Variants in RNF6 observed in about 807,000 individuals in gnomAD.
RNF6 encodes the protein E3 ubiquitin-protein ligase RNF6.
A neutral mutation model predicts 50.1 loss-of-function variants in RNF6; 21 were observed. That is an observed-to-expected ratio of 0.42 (90% CI 0.30 to 0.60). RNF6 has a LOEUF of 0.60. RNF6 is among the 20% of genes least tolerant of loss of function. RNF6 has a pLI of 0.20. For missense variants in RNF6, 698 were observed against 838.2 expected, an observed-to-expected ratio of 0.83 and a Z score of 2.07; for synonymous variants, 255 against 291.8, an observed-to-expected ratio of 0.87 and a Z score of 1.29.
intron 5 of RNF6, among the ~76,000 whole-genome samples, chr13:26,132,856 A>C (rs1204644143): frequency 1.3e-5 from 2 of 152,198 alleles, no homozygotes; most frequent in Non-Finnish European, 2.9e-5. Flanking sequence ...CAGATTCACC[A>C]AAAGGTCTTG....
chr13:26,209,394 C>T (rs1164859646), downstream of RNF6, among the ~76,000 whole-genome samples: 7 of 152,224 alleles, frequency 4.6e-5, no homozygotes, highest in Non-Finnish European at 7.3e-5. Context: ...GCTTGCTCAG[C>T]GAGATATGCT....
intron 5 of RNF6, among the ~76,000 whole-genome samples, chr13:26,137,597 A>C (rs560907618): frequency 6.6e-6 from 1 of 151,608 alleles, no homozygotes; most frequent in African/African-American, 2.4e-5. Context: ...TGAAAGAAAT[A>C]ATATATAAGA....
At chr13:26,170,451 T>G (rs1872645720) in intron 5 of RNF6, among the ~76,000 whole-genome samples, 1 of 151,470 alleles carries the variant, frequency 6.6e-6, no homozygotes, top group Non-Finnish European at 1.5e-5. Flanking sequence ...ATTTCCGTTT[T>G]GTGCAGCTAT....
chr13:26,197,355 C>T (rs373890703), intron 5 of RNF6, among the ~76,000 whole-genome samples: 1 of 152,078 alleles, frequency 6.6e-6, no homozygotes, highest in African/African-American at 2.4e-5. Flanking sequence ...CATGTATCTC[C>T]TACAACTCAG....
intron 5 of RNF6, among the ~76,000 whole-genome samples, chr13:26,159,053 T>C (rs1278267103): frequency 6.6e-6 from 1 of 152,122 alleles, no homozygotes; most frequent in Non-Finnish European, 1.5e-5. Flanking sequence ...CTAATAGAAG[T>C]ATAAATATAC....
chr13:26,213,008 C>T lies in RNF6; in HGVS notation c.*816G>A, dbSNP rs186584983. Reference sequence around the variant, plus strand: ...ATTTAATAATCCAAAGAATTGTTTGCACTTTCAAAAAAGTTACAAAAAGGC... The same window carrying T: ...ATTTAATAATCCAAAGAATTGTTTGTACTTTCAAAAAAGTTACAAAAAGGC... On this transcript the variant is annotated 3_prime_UTR_variant, in exon 5 of 5. Transcript: ENST00000381588. The T allele has an allele frequency of 6.8e-4, 104 of 152,574 alleles. No individual in the cohort carries two copies. The highest frequency in any genetic ancestry group is 2.4e-3 in the African/African-American group (100 of 41,532). The allele number at this position is 152,574 out of a possible 1,614,324, so 9.5% of individuals were successfully genotyped here.
intron 5 of RNF6, among the ~76,000 whole-genome samples, chr13:26,146,412 G>A (rs916685515): frequency 5.3e-5 from 8 of 152,196 alleles, no homozygotes; most frequent in African/African-American, 1.7e-4. Context: ...TTGCATTTAG[G>A]TTTCCAATTA....
chr13:26,169,632 C>G (rs1437345023), intron 5 of RNF6, among the ~76,000 whole-genome samples: 1 of 152,194 alleles, frequency 6.6e-6, no homozygotes, highest in Non-Finnish European at 1.5e-5. Context: ...CAGGAAATGT[C>G]TTTCTGAAGG....
At chr13:26,185,551 CCTGGCCAA>C (rs1174778262) in intron 5 of RNF6, among the ~76,000 whole-genome samples, 1 of 152,064 alleles carries the variant, frequency 6.6e-6, no homozygotes, top group Non-Finnish European at 1.5e-5. Flanking sequence ...TCGAGACTAT[CCTGGCCAA>C]CATGGTGAAA....
chr13:26,206,494 C>T (rs759859503), intron 5 of RNF6, among the ~76,000 whole-genome samples: 4 of 152,110 alleles, frequency 2.6e-5, no homozygotes, highest in South Asian at 2.1e-4. Flanking sequence ...CTTTCAGGAC[C>T]ATTGGATTTT....
intron 5 of RNF6, among the ~76,000 whole-genome samples, chr13:26,175,919 A>T (rs1383148852): frequency 6.6e-6 from 1 of 152,114 alleles, no homozygotes; most frequent in Non-Finnish European, 1.5e-5. Flanking sequence ...TTGACCAAAA[A>T]AACAAGCAGG....
chr13:26,182,927 G>A (rs1873310460), intron 5 of RNF6, among the ~76,000 whole-genome samples: 1 of 152,144 alleles, frequency 6.6e-6, no homozygotes, highest in African/African-American at 2.4e-5. Context: ...GTAGCCAAAT[G>A]GCTGGGAACA....
chr13:26,189,337 G>GAAA (rs1873711730), intron 5 of RNF6, among the ~76,000 whole-genome samples: 1 of 132,150 alleles, frequency 7.6e-6, no homozygotes, highest in Non-Finnish European at 1.7e-5. Context: ...CAAAAAAAAC[G>GAAA]CTTCCTATTG....
chr13:26,165,097 T>G (rs1223704555), intron 5 of RNF6, among the ~76,000 whole-genome samples: 1 of 151,946 alleles, frequency 6.6e-6, no homozygotes, highest in East Asian at 1.9e-4. Flanking sequence ...AGGTCCATGG[T>G]TCCTATGCTG....
At chr13:26,156,833 AC>A (rs1871949290) in intron 5 of RNF6, among the ~76,000 whole-genome samples, 2 of 152,204 alleles carry the variant, frequency 1.3e-5, no homozygotes, top group African/African-American at 4.8e-5. Context: ...AAATCAGTAG[AC>A]CCTCGTTACC....
chr13:26,150,042 TA>T (rs1347220551), intron 5 of RNF6, among the ~76,000 whole-genome samples: 6 of 94,972 alleles, frequency 6.3e-5, no homozygotes, highest in Admixed American at 1.2e-4. Flanking sequence ...AGTGTATATA[TA>T]ATGTGTATAT....
intron 5 of RNF6, among the ~76,000 whole-genome samples, chr13:26,137,653 TA>T (rs57465135): frequency 0.75 from 103,316 of 138,588 alleles, 37,945 homozygotes; most frequent in East Asian, 0.82. Flanking sequence ...ATAGAAATTA[TA>T]AAAAAAAAAA....
downstream of RNF6, among the ~76,000 whole-genome samples, chr13:26,210,901 G>A (rs1347949753): frequency 1.3e-5 from 2 of 152,180 alleles, no homozygotes; most frequent in Non-Finnish European, 2.9e-5. Flanking sequence ...GAGAAAACAG[G>A]GTAAAAGGCT....
At chr13:26,148,704 A>C (rs1593148122) in intron 5 of RNF6, among the ~76,000 whole-genome samples, 1 of 135,878 alleles carries the variant, frequency 7.4e-6, no homozygotes, top group East Asian at 2.1e-4. Flanking sequence ...TATATAAAAT[A>C]TATATAATAA....
Sources: gnomAD v4.1 joint callset for allele counts (sites outside exome capture counted in the v4.1 genomes callset) on GRCh38, gnomAD v4.1.1 for gene constraint, MANE v1.5 for transcripts, NCBI Gene and HGNC (gene_info 2026-07-23, HGNC 2026-07-21) for gene names.